PAQR6: variants seen among roughly 807,000 people sequenced by gnomAD.
PAQR6 encodes the protein progestin and adipoQ receptor family member 6.
In PAQR6, 34 loss-of-function variants were observed where a neutral mutation model predicts 36.2. The ratio of observed to expected loss-of-function variants is 0.94; its 90% CI spans 0.71 to 1.25. The LOEUF (loss-of-function observed/expected upper bound fraction) is 1.25. PAQR6 is among the 50% of genes most tolerant of loss of function. The pLI, the probability that PAQR6 is intolerant of heterozygous loss-of-function variation, is 0.00. For synonymous variants in PAQR6, 190 were observed against 190.7 expected, an observed-to-expected ratio of 1.00 and a Z score of 0.03; for missense variants, 431 against 445.7, an observed-to-expected ratio of 0.97 and a Z score of 0.30.
Position 156,245,521 on chromosome 1 carries a change from G to A in PAQR6, c.512+14C>T, listed in dbSNP as rs770936212. On this transcript the variant is annotated intron_variant, in intron 5 of 7. Transcript: ENST00000292291. ...CGCCTTCCCCGTCCCCACTGGAGGGGCCTGGGAACCCACCGGGAGTAGCAG... is the reference window on the plus strand; with the variant it reads ...CGCCTTCCCCGTCCCCACTGGAGGGACCTGGGAACCCACCGGGAGTAGCAG... 7 of 1,611,796 alleles carry A rather than the reference G, an allele frequency of 4.3e-6. No individual in the cohort carries two copies. Among genetic ancestry groups the A allele is most frequent in the African/African-American group, 1.3e-5 (1 of 75,014 alleles).
chr1:156,246,865 C>A, intron 1 of PAQR6, 109 bp from the exon 2 acceptor site: 1 of 905,458 alleles, frequency 1.1e-6, no homozygotes, highest in Non-Finnish European at 1.7e-6. Flanking sequence ...GCAGATGGCA[C>A]CCTCCCTCCT....
In PAQR6 at chr1:156,243,874, G is replaced by C. The variant is rs772303391; in HGVS notation, c.*255C>G. ...ATAGGGGCATCTTCAGCCTGGACAC[G>C]CATGCATCTCCCCTCTCAGACCCTC... is the stretch of plus-strand genomic sequence containing the variant. On this transcript the variant is annotated 3_prime_UTR_variant, in exon 8 of 8. Coordinates refer to ENST00000292291, the MANE Select transcript of PAQR6 (RefSeq NM_198406.3). The C allele has an allele frequency of 6.2e-7, 1 of 1,601,110 alleles. No homozygotes were observed. Among genetic ancestry groups the C allele is most frequent in the Non-Finnish European group, 8.5e-7 (1 of 1,170,522 alleles).
Position 156,245,245 on chromosome 1 carries a change from G to C in PAQR6, c.513-7C>G. 1.9e-6 allele frequency: 3 copies of C among 1,612,976 alleles called. No homozygotes were observed. Among genetic ancestry groups the C allele is most frequent in the Non-Finnish European group, 2.5e-6 (3 of 1,179,054 alleles). On this transcript the variant is annotated splice_region_variant and splice_polypyrimidine_tract_variant and intron_variant, in intron 5 of 7. Transcript: ENST00000292291. ...GCTTTCCAGCTCCAGGAAACTGGGA[G>C]GCGGGAGGAAAAGGCCGGTCACCAT...
At chr1:156,246,802 C>T in intron 1 of PAQR6, 46 bp from the exon 2 acceptor site, 2 of 1,515,356 alleles carry the variant, frequency 1.3e-6, no homozygotes, top group Non-Finnish European at 1.8e-6. Context: ...TGCCCCCATC[C>T]ACAGGCCCCT....
intron 7 of PAQR6, 169 bp downstream of exon 7, chr1:156,244,592 G>A: frequency 6.9e-7 from 1 of 1,442,210 alleles, no homozygotes; most frequent in Non-Finnish European, 9.2e-7. Flanking sequence ...CTGAGAAGTG[G>A]CAGGTGGAGG....
At position 156,246,726 on chromosome 1, in the gene PAQR6, G is replaced by A. The variant is rs757185893; in HGVS notation, c.6C>T (p.Leu2=). The change falls in exon 2 of 8, where the codon CTC becomes CTT. Residue 2 remains leucine (L), a synonymous_variant. Coordinates refer to ENST00000292291, the MANE Select transcript of PAQR6 (RefSeq NM_198406.3). M[L]SLKLPQLLQV... is the part of the protein sequence containing the mutation. ...GAAGAAGTTGGGGCAGCTTGAGACT[G>A]AGCATGGTGGCCTGGTACCTCCACG... 5 of 1,613,692 alleles carry A rather than the reference G, an allele frequency of 3.1e-6. No homozygotes were observed. The highest frequency in any genetic ancestry group is 4.2e-6 in the Non-Finnish European group (5 of 1,179,898).
At chr1:156,246,371 C>A in intron 2 of PAQR6, 121 bp from the exon 3 acceptor site, 1 of 937,390 alleles carries the variant, frequency 1.1e-6, no homozygotes. Context: ...CCAAGCCAAA[C>A]TAAATCTGAT....
chr1:156,246,970 C>T (rs1660622034), intron 1 of PAQR6, among the ~76,000 whole-genome samples: 2 of 152,170 alleles, frequency 1.3e-5, no homozygotes, highest in African/African-American at 4.8e-5. Flanking sequence ...GGCATTCAGT[C>T]CCCACACTGA....
rs1369125099 is a variant in PAQR6 at position 156,246,740 on chromosome 1, G to A, written c.-9C>T. On this transcript the variant is annotated 5_prime_UTR_variant, in exon 2 of 8. Transcript: ENST00000292291. Reference sequence around the variant, plus strand: ...AGCTTGAGACTGAGCATGGTGGCCTGGTACCTCCACGTTGACCTAGAGACA... The same window carrying A: ...AGCTTGAGACTGAGCATGGTGGCCTAGTACCTCCACGTTGACCTAGAGACA... 3.1e-6 allele frequency: 5 copies of A among 1,613,594 alleles called. No individual in the cohort carries two copies. The highest frequency in any genetic ancestry group is 4.2e-6 in the Non-Finnish European group (5 of 1,179,832).
At position 156,248,015 on chromosome 1, in the gene PAQR6, G is replaced by A. The variant is rs1006565473; in HGVS notation, c.-84C>T. On this transcript the variant is annotated 5_prime_UTR_variant, in exon 1 of 8. Coordinates refer to ENST00000292291, the MANE Select transcript of PAQR6 (RefSeq NM_198406.3). ...TCAACAGGCCCAGGGCTCCACGGGC[G>A]GAGTCCAAGGCTGCTGCCAGCCAGG... 1.5e-5 allele frequency: 7 copies of A among 463,958 alleles called. No homozygotes were observed. Among genetic ancestry groups the A allele is most frequent in the African/African-American group, 1.2e-4 (6 of 49,972 alleles). The allele number at this position is 463,958 out of a possible 1,614,324, so 28.7% of individuals were successfully genotyped here.
chr1:156,246,635 C>A (rs1187929446), intron 2 of PAQR6, 46 bp downstream of exon 2: 2 of 1,595,864 alleles, frequency 1.3e-6, no homozygotes. Flanking sequence ...CCTAGTCAGT[C>A]CTCTAGGGAA....
chr1:156,245,994 C>T lies in PAQR6; in HGVS notation c.180-7G>A. The T allele has an allele frequency of 1.3e-6, 2 of 1,555,776 alleles. No homozygotes were observed. The highest frequency in any genetic ancestry group is 8.7e-7 in the Non-Finnish European group (1 of 1,153,354). ...GAGCCGCCACAGGAAGTACCTGCGG[C>T]GGGCGCGTGCTCAGGCCGCCGCGGA... is the stretch of plus-strand genomic sequence containing the variant. On this transcript the variant is annotated splice_region_variant and splice_polypyrimidine_tract_variant and intron_variant, in intron 3 of 7. Transcript: ENST00000292291.
At chr1:156,247,819 G>A (rs1444140083) in intron 1 of PAQR6, 138 bp downstream of exon 1, 2 of 322,502 alleles carry the variant, frequency 6.2e-6, no homozygotes, top group South Asian at 5.3e-5. Flanking sequence ...CCCTCACGGT[G>A]CCTTCCCTTA....
chr1:156,244,028 G>A lies in PAQR6; in HGVS notation c.*101C>T. 3 of 1,614,140 alleles carry A rather than the reference G, an allele frequency of 1.9e-6. No homozygotes were observed. The highest frequency in any genetic ancestry group is 2.5e-6 in the Non-Finnish European group (3 of 1,180,004). On this transcript the variant is annotated 3_prime_UTR_variant, in exon 8 of 8. Coordinates refer to ENST00000292291, the MANE Select transcript of PAQR6 (RefSeq NM_198406.3). ...CTCTCCTCAGCCCCTGTTGGTTCCA[G>A]GCTGAGATGCGTCCCCACCTGATTA...
In PAQR6 at chr1:156,245,197, C is replaced by T. The variant is rs1479389992; in HGVS notation, c.554G>A (p.Arg185His). ...GAATGGATAGGCGAAGGCTCCTGTG[C>T]GGAGGACCTTACTGAGCCCAGGGCT... ...LESPGLSKVL[R>H]TGAFAYPFLF... The change falls in exon 6 of 8, where the codon CGC (arginine) becomes CAC (histidine). Residue 185 changes from arginine (R) to histidine (H), a missense_variant. Coordinates refer to ENST00000292291, the MANE Select transcript of PAQR6 (RefSeq NM_198406.3). The T allele has an allele frequency of 1.5e-5, 25 of 1,614,080 alleles. No individual in the cohort carries two copies. In the South Asian group the frequency reaches 1.8e-4, roughly 11 times the overall value.
chr1:156,247,320 G>A (rs1320346774), intron 1 of PAQR6, among the ~76,000 whole-genome samples: 4 of 152,194 alleles, frequency 2.6e-5, no homozygotes, highest in Non-Finnish European at 5.9e-5. Flanking sequence ...CCCCTCCTGA[G>A]CCCAGGTATC....
chr1:156,244,385 A>C lies in PAQR6; in HGVS notation c.779T>G (p.Phe260Cys), dbSNP rs774840759. 1 of 1,536,184 alleles carries C rather than the reference A, an allele frequency of 6.5e-7. No individual in the cohort carries two copies. Among genetic ancestry groups the C allele is most frequent in the Non-Finnish European group, 8.8e-7 (1 of 1,135,872 alleles). The change falls in exon 8 of 8, where the codon TTC becomes TGC. Residue 260 changes from phenylalanine (F) to cysteine (C), a missense_variant. Phe to Cys is a radical substitution (Grantham distance 205). Coordinates refer to ENST00000292291, the MANE Select transcript of PAQR6 (RefSeq NM_198406.3). The part of the protein sequence containing the change: ...FDYIGHSHQL[F>C]HICAVLGTHF... ...GGTGCCCAGCACTGCACAGATGTGG[A>C]ATAACTGGTGGCTGTGGCCTGTGGA...
intron 3 of PAQR6, 39 bp downstream of exon 3, chr1:156,246,084 G>C: frequency 6.2e-7 from 1 of 1,606,708 alleles, no homozygotes; most frequent in Non-Finnish European, 8.5e-7. Context: ...TACCCCCTCT[G>C]AGCTCAAGGC....
Position 156,245,175 on chromosome 1 carries a change from T to A in PAQR6, c.576A>T (p.Pro192=). ...KVLRTGAFAY[P]FLFDNLPLFY... is the part of the protein sequence containing the mutation. ...AGAGTGGGAGGTTGTCGAACAGGAATGGATAGGCGAAGGCTCCTGTGCGGA... is the reference window on the plus strand; with the variant it reads ...AGAGTGGGAGGTTGTCGAACAGGAAAGGATAGGCGAAGGCTCCTGTGCGGA... The change falls in exon 6 of 8, where the codon CCA becomes CCT. Residue 192 remains proline, a synonymous_variant. Coordinates refer to ENST00000292291, the MANE Select transcript of PAQR6 (RefSeq NM_198406.3). 6.2e-7 allele frequency: 1 copy of A among 1,614,020 alleles called. No homozygotes were observed. Among genetic ancestry groups the A allele is most frequent in the Non-Finnish European group, 8.5e-7 (1 of 1,179,998 alleles).
Sources: gnomAD v4.1 joint callset for allele counts (sites outside exome capture counted in the v4.1 genomes callset) on GRCh38, gnomAD v4.1.1 for gene constraint, MANE v1.5 for transcripts, NCBI Gene and HGNC (gene_info 2026-07-23, HGNC 2026-07-21) for gene names.